The following PRH2 variants were observed in gnomAD, a reference collection of about 807,000 sequenced individuals.
PRH2 encodes proline rich protein HaeIII subfamily 2, also known as salivary acidic proline-rich phosphoprotein 1/2.
In PRH2, 19 loss-of-function variants were observed where a neutral mutation model predicts 22.6. The ratio of observed to expected loss-of-function variants is 0.84; its 90% CI spans 0.59 to 1.23. PRH2 has a LOEUF of 1.23. Among genes scored for constraint, PRH2 ranks in the 50% most tolerant of loss-of-function variants. PRH2 has a pLI of 0.00. For synonymous variants in PRH2, 45 were observed against 72.0 expected (o/e 0.63, Z 1.90); for missense variants, 109 against 203.0 (o/e 0.54, Z 2.81).
At chr12:10,930,055 C>A (rs1173772274) in intron 1 of PRH2, among the ~76,000 whole-genome samples, 1 of 152,116 alleles carries the variant, frequency 6.6e-6, no homozygotes, top group African/African-American at 2.4e-5. Flanking sequence ...AACAGGGGCC[C>A]TTCTATGTTG....
rs1950261052 is a variant in PRH2, at chr12:10,934,630, A to C, written c.*2423A>C. Among the ~76,000 whole-genome samples, 1 of 150,876 alleles carries C rather than the reference A, an allele frequency of 6.6e-6. No homozygotes were observed. On this transcript the variant is annotated 3_prime_UTR_variant, in exon 4 of 4. Transcript: ENST00000396400. The stretch of plus-strand genomic sequence containing the variant: ...GTTAATTTCTTCCTTTAAAAAAAAA[A>C]CTATAGGCTCAATATGAAAGTAGAA...
chr12:10,930,080 G>A (rs11054080), intron 1 of PRH2, among the ~76,000 whole-genome samples, 189 bp from the exon 2 acceptor site: 14,072 of 152,138 alleles, frequency 0.092, 920 homozygotes, highest in Non-Finnish European at 0.14. Context: ...CCTGGTTGAC[G>A]CTCAGTGTAG....
chr12:10,929,415 G>A (rs1372938781), intron 1 of PRH2, 78 bp downstream of exon 1: 1 of 1,563,014 alleles, frequency 6.4e-7, no homozygotes, highest in Non-Finnish European at 8.8e-7. Flanking sequence ...AAAGTGGAGG[G>A]AAGAGAGGAG....
chr12:10,931,208 G>T lies in PRH2; in HGVS notation c.*18+128G>T, dbSNP rs1591692005. The T allele has an allele frequency of 1.3e-6, 2 of 1,515,270 alleles. 1 individual carries two copies. The highest frequency in any genetic ancestry group is 1.8e-6 in the Non-Finnish European group (2 of 1,132,936). The allele number at this position is 1,515,270 out of a possible 1,614,324, so 93.9% of individuals were successfully genotyped here. A position where few individuals can be genotyped will look rare whatever the true frequency, so the allele number is the denominator to read the frequency against. Reference sequence around the variant, plus strand: ...CTGGAACACATTTCTCATGAGTTTTGTTCAAATATTCTGGGATAAGGTAGC... The same window carrying T: ...CTGGAACACATTTCTCATGAGTTTTTTTCAAATATTCTGGGATAAGGTAGC... On this transcript the variant is annotated intron_variant, in intron 3 of 3. Coordinates refer to ENST00000396400, the MANE Select transcript of PRH2 (RefSeq NM_001110213.1).
intron 1 of PRH2, 35 bp downstream of exon 1, chr12:10,929,372 ATTGGG>A: frequency 6.2e-7 from 1 of 1,613,418 alleles, no homozygotes; most frequent in Non-Finnish European, 8.5e-7. Flanking sequence ...TGTGACTCTG[ATTGGG>A]GTTTACGGGC....
In PRH2 at chr12:10,932,625, C is replaced by A. The variant is rs1477164794; in HGVS notation, c.*418C>A. Among the ~76,000 whole-genome samples the A allele has an allele frequency of 1.3e-5, 2 of 152,134 alleles. No homozygotes were observed. The highest frequency in any genetic ancestry group is 1.5e-5 in the Non-Finnish European group (1 of 68,018). The stretch of plus-strand genomic sequence containing the variant: ...TCCCAGAAGCTGAGAGAAACTTTAA[C>A]AAGTTTGAGAGTAACTTATTTTGTT... On this transcript the variant is annotated 3_prime_UTR_variant, in exon 4 of 4. Coordinates refer to ENST00000396400, the MANE Select transcript of PRH2 (RefSeq NM_001110213.1).
At position 10,930,790 on chromosome 12, in the gene PRH2, G is replaced by C. The variant is rs1950196648; in HGVS notation, c.229G>C (p.Gly77Arg). Reference sequence around the variant, plus strand: ...CCCTCAGCAGGGACCACCCCAACAAGGAGGCCAGCAGCAACAAGGTCCACC... The same window carrying C: ...CCCTCAGCAGGGACCACCCCAACAACGAGGCCAGCAGCAACAAGGTCCACC... The part of the protein sequence containing the change: ...DGPQQGPPQQ[G>R]GQQQQGPPPP... The change falls in exon 3 of 4, where the codon GGA (glycine) becomes CGA (arginine). Residue 77 changes from glycine (G) to arginine (R), a missense_variant. Gly to Arg is a moderately radical substitution (Grantham distance 125, BLOSUM62 -2). Around this residue, in one of 4 missense-constraint regions of PRH2, gnomAD observed 14 missense variants for 31.0 expected, o/e 0.45. Transcript: ENST00000396400. 3 of 1,610,672 alleles carry C rather than the reference G, an allele frequency of 1.9e-6. No homozygotes were observed. Among genetic ancestry groups the C allele is most frequent in the Non-Finnish European group, 2.5e-6 (3 of 1,177,206 alleles).
intron 1 of PRH2, among the ~76,000 whole-genome samples, chr12:10,929,671 T>C (rs943922010): frequency 1.3e-5 from 2 of 152,106 alleles, no homozygotes; most frequent in Non-Finnish European, 2.9e-5. Context: ...CTGATCCCAG[T>C]AGACAGGGAT....
In PRH2 at chr12:10,933,193, G is replaced by GA. The variant is rs1267712491; in HGVS notation, c.*991dup. Among the ~76,000 whole-genome samples the GA allele has an allele frequency of 6.6e-6, 1 of 151,938 alleles. No homozygotes were observed. The highest frequency in any genetic ancestry group is 2.4e-5 in the African/African-American group (1 of 41,412). On this transcript the variant is annotated 3_prime_UTR_variant, in exon 4 of 4. Transcript: ENST00000396400. Reference sequence around the variant, plus strand: ...TTCCTACATTCTGAAAAGCAAACATGAAAAACTGAACACAGTTTTTACAGA... The same window carrying GA: ...TTCCTACATTCTGAAAAGCAAACATGAAAAAACTGAACACAGTTTTTACAGA...
chr12:10,929,474 G>C, intron 1 of PRH2, 137 bp downstream of exon 1: 1 of 1,033,658 alleles, frequency 9.7e-7, no homozygotes, highest in East Asian at 2.5e-5. Context: ...AGGATCAGAA[G>C]ACCTGTTGTG....
intron 3 of PRH2, among the ~76,000 whole-genome samples, chr12:10,931,356 T>C (rs552931060): frequency 4.6e-5 from 7 of 152,296 alleles, no homozygotes; most frequent in Middle Eastern, 3.4e-3. Flanking sequence ...CCTTTGGCAC[T>C]CTGTTTCCTT....
rs1034302248 is a variant in PRH2 at position 10,930,404 on chromosome 12, T to G, written c.100+100T>G. ...CTTATCATCCTTGTCAGGAATTGGCTAATATCAGTGCCCCAGAGATATAAA... is the reference window on the plus strand; with the variant it reads ...CTTATCATCCTTGTCAGGAATTGGCGAATATCAGTGCCCCAGAGATATAAA... On this transcript the variant is annotated intron_variant, in intron 2 of 3. Coordinates refer to ENST00000396400, the MANE Select transcript of PRH2 (RefSeq NM_001110213.1). The G allele has an allele frequency of 2.6e-6, 4 of 1,513,370 alleles. No homozygotes were observed. The African/African-American group carries it at 5.5e-5, about 21-fold the overall frequency. 93.7% of individuals were successfully genotyped at this position (1,513,370 alleles called of 1,614,324 possible). A position where few individuals can be genotyped will look rare whatever the true frequency, so the allele number is the denominator to read the frequency against.
intron 1 of PRH2, 106 bp downstream of exon 1, chr12:10,929,443 G>A (rs768450168): frequency 1.7e-5 from 23 of 1,383,632 alleles, no homozygotes; most frequent in Non-Finnish European, 2.3e-5. Flanking sequence ...AAACAGATAG[G>A]ACTGAAGAGT....
At chr12:10,930,515 A>G in intron 2 of PRH2, 147 bp from the exon 3 acceptor site, 2 of 1,481,350 alleles carry the variant, frequency 1.4e-6, no homozygotes, top group South Asian at 1.4e-5. Flanking sequence ...GAGGAGTTCT[A>G]ATTAGGAAGC....
chr12:10,932,152 G>A (rs780054142), intron 3 of PRH2, 74 bp from the exon 4 acceptor site: 8 of 389,106 alleles, frequency 2.1e-5, no homozygotes, highest in African/African-American at 4.1e-5. Flanking sequence ...CTTCCTCACC[G>A]CAGTAAACCA....
intron 2 of PRH2, 38 bp downstream of exon 2, chr12:10,930,342 T>C (rs1326774490): frequency 6.3e-7 from 1 of 1,593,550 alleles, no homozygotes; most frequent in Non-Finnish European, 8.6e-7. Context: ...TCTGTCTCCA[T>C]TTTTCCCTGA....
chr12:10,930,616 G>A (rs373274440), intron 2 of PRH2, 46 bp from the exon 3 acceptor site: 12 of 1,608,172 alleles, frequency 7.5e-6, no homozygotes, highest in Non-Finnish European at 1.0e-5. Context: ...GAAGACAGGA[G>A]GGTTTTCCAG....
chr12:10,932,393 C>T lies in PRH2; in HGVS notation c.*186C>T, dbSNP rs1950226652. ...GAGACCCATGTTCACATTGTAAGAA[C>T]ATCCAGGACCCCTTCTCCTTGATGT... On this transcript the variant is annotated 3_prime_UTR_variant, in exon 4 of 4. Coordinates refer to ENST00000396400, the MANE Select transcript of PRH2 (RefSeq NM_001110213.1). 7 of 228,516 alleles carry T rather than the reference C, an allele frequency of 3.1e-5. No homozygotes were observed. The highest frequency in any genetic ancestry group is 8.8e-5 in the African/African-American group (4 of 45,486). The allele number at this position is 228,516 out of a possible 1,614,324, so 14.2% of individuals were successfully genotyped here.
intron 1 of PRH2, 59 bp from the exon 2 acceptor site, chr12:10,930,209 CT>C: frequency 6.4e-7 from 1 of 1,568,416 alleles, no homozygotes; most frequent in Non-Finnish European, 8.8e-7. Flanking sequence ...TCGTAGAACA[CT>C]ATGAGCTCTG....
Sources: allele counts gnomAD v4.1 joint callset (sites outside exome capture counted in the v4.1 genomes callset), GRCh38; gene constraint gnomAD v4.1.1; regional missense constraint gnomAD v4.1.1; transcripts MANE v1.5; gene names NCBI Gene and HGNC (gene_info 2026-07-23, HGNC 2026-07-21).